RGS18: variants seen among roughly 807,000 people sequenced by gnomAD.
RGS18 encodes the protein regulator of G protein signaling 18.
RGS18 carries 22 observed loss-of-function variants against 27.6 expected under a neutral mutation model. That is an observed-to-expected ratio of 0.80 (90% CI 0.57 to 1.14). The LOEUF (loss-of-function observed/expected upper bound fraction) is 1.14. Among genes scored for constraint, RGS18 ranks in the 50% most tolerant of loss-of-function variants. The probability of loss-of-function intolerance (pLI) is 0.00; values close to 1 mark genes in which losing one functional copy is unlikely to be tolerated. For synonymous variants in RGS18, 89 were observed against 84.6 expected (o/e 1.05, Z -0.29); for missense variants, 299 against 269.6 (o/e 1.11, Z -0.76).
At chr1:192,179,428 C>G (rs1369720354) in intron 3 of RGS18, among the ~76,000 whole-genome samples, 1 of 151,498 alleles carries the variant, frequency 6.6e-6, no homozygotes, top group African/African-American at 2.4e-5. Context: ...CTACCATACA[C>G]CCAAGCAATT....
At chr1:192,183,845 T>C (rs1256766160) in intron 4 of RGS18, among the ~76,000 whole-genome samples, 1 of 151,670 alleles carries the variant, frequency 6.6e-6, no homozygotes, top group Non-Finnish European at 1.5e-5. Context: ...AATTGGTTCA[T>C]GGTTCTGCAG....
At chr1:192,173,068 C>T (rs1195167967) in intron 3 of RGS18, among the ~76,000 whole-genome samples, 1 of 151,140 alleles carries the variant, frequency 6.6e-6, no homozygotes, top group African/African-American at 2.4e-5. Flanking sequence ...AATGCAAAAC[C>T]TCTTAGTTAT....
intron 2 of RGS18, 127 bp from the exon 3 acceptor site, chr1:192,160,248 CATT>C (rs1237040323): frequency 2.2e-6 from 1 of 446,330 alleles, no homozygotes. Context: ...ATGCAATTTT[CATT>C]ATATTATAAT....
At chr1:192,178,487 G>A (rs891637813) in intron 3 of RGS18, among the ~76,000 whole-genome samples, 2 of 151,548 alleles carry the variant, frequency 1.3e-5, no homozygotes, top group African/African-American at 4.8e-5. Flanking sequence ...AATAGTCAGA[G>A]GTGTAATAGG....
chr1:192,169,501 G>A (rs1014790867), intron 3 of RGS18: 1 of 152,112 alleles, frequency 6.6e-6, no homozygotes, highest in Non-Finnish European at 1.5e-5. Flanking sequence ...AGTAACTGAG[G>A]AACAAGGAAG....
intron 4 of RGS18, among the ~76,000 whole-genome samples, chr1:192,183,525 T>G (rs1048013552): frequency 5.3e-5 from 8 of 151,614 alleles, no homozygotes; most frequent in African/African-American, 1.9e-4. Flanking sequence ...TGCATTATTC[T>G]AAATTCATAG....
intron 3 of RGS18, chr1:192,169,440 A>G (rs1656218916): frequency 6.6e-6 from 1 of 152,120 alleles, no homozygotes; most frequent in African/African-American, 2.4e-5. Context: ...CTTTCCTTGT[A>G]ATGTAACTGG....
chr1:192,170,434 G>A (rs1371218585), intron 3 of RGS18, among the ~76,000 whole-genome samples: 1 of 152,062 alleles, frequency 6.6e-6, no homozygotes, highest in African/African-American at 2.4e-5. Flanking sequence ...CTCTTATCTT[G>A]TGATACACTG....
At chr1:192,182,791 A>AT (rs1302391289) in intron 4 of RGS18, among the ~76,000 whole-genome samples, 1 of 151,584 alleles carries the variant, frequency 6.6e-6, no homozygotes, top group Non-Finnish European at 1.5e-5. Context: ...GAAACTAAAG[A>AT]TTTTTATAAG....
At chr1:192,170,896 A>G in intron 3 of RGS18, among the ~76,000 whole-genome samples, 1 of 152,144 alleles carries the variant, frequency 6.6e-6, no homozygotes, top group East Asian at 1.9e-4. Flanking sequence ...TGGACAATTC[A>G]TGACACAAAC....
intron 4 of RGS18, among the ~76,000 whole-genome samples, 162 bp from the exon 5 acceptor site, chr1:192,184,135 T>C (rs1006395380): frequency 6.6e-6 from 1 of 151,602 alleles, no homozygotes; most frequent in Non-Finnish European, 1.5e-5. Flanking sequence ...ATGCTGGGGA[T>C]TACAATTAAA....
intron 3 of RGS18, among the ~76,000 whole-genome samples, chr1:192,170,792 C>A (rs1220069570): frequency 6.6e-6 from 1 of 152,100 alleles, no homozygotes; most frequent in Non-Finnish European, 1.5e-5. Context: ...ACTTATTCAG[C>A]TTATTTCCTA....
chr1:192,180,093 T>C (rs964411228), intron 3 of RGS18, among the ~76,000 whole-genome samples: 3 of 151,642 alleles, frequency 2.0e-5, no homozygotes, highest in Admixed American at 1.3e-4. Context: ...AAGAGCGTTT[T>C]TGAAGTCACA....
intron 3 of RGS18, among the ~76,000 whole-genome samples, chr1:192,177,125 T>G (rs1293945875): frequency 6.6e-6 from 1 of 151,770 alleles, no homozygotes; most frequent in African/African-American, 2.4e-5. Context: ...TATTAAAAAT[T>G]TTGCTTGCCA....
At chr1:192,167,808 T>C (rs1656187990) in intron 3 of RGS18, 1 of 152,194 alleles carries the variant, frequency 6.6e-6, no homozygotes. Flanking sequence ...TCATTTATTA[T>C]GGCAAAAGAA....
chr1:192,170,296 G>A (rs1406743704), intron 3 of RGS18, among the ~76,000 whole-genome samples: 1 of 152,170 alleles, frequency 6.6e-6, no homozygotes, highest in Non-Finnish European at 1.5e-5. Context: ...AGACATTTGG[G>A]TCACGGAGTG....
intron 3 of RGS18, 83 bp from the exon 4 acceptor site, chr1:192,181,209 T>G: frequency 1.3e-6 from 1 of 756,806 alleles, no homozygotes; most frequent in Non-Finnish European, 2.0e-6. Context: ...CTGTTAATAT[T>G]TGCAATTATG....
chr1:192,167,426 C>T (rs537047541), intron 3 of RGS18, among the ~76,000 whole-genome samples: 1 of 146,020 alleles, frequency 6.8e-6, no homozygotes, highest in Admixed American at 6.9e-5. Context: ...AAGCACTCAA[C>T]TTTTTTTTTT....
intron 3 of RGS18, among the ~76,000 whole-genome samples, chr1:192,174,777 G>T (rs1656327916): frequency 6.6e-6 from 1 of 151,628 alleles, no homozygotes; most frequent in Non-Finnish European, 1.5e-5. Context: ...TCATCTTCCT[G>T]ATACTTTTCA....
Sources: allele counts gnomAD v4.1 joint callset (sites outside exome capture counted in the v4.1 genomes callset), GRCh38; gene constraint gnomAD v4.1.1; transcripts MANE v1.5; gene names NCBI Gene and HGNC (gene_info 2026-07-23, HGNC 2026-07-21).